The following CSMD1 variants were observed in gnomAD, a reference collection of about 807,000 sequenced individuals.
CSMD1 encodes the protein CUB and sushi domain-containing protein 1.
A neutral mutation model predicts 417.5 loss-of-function variants in CSMD1; 213 were observed. The observed-to-expected ratio is 0.51, with a 90% CI of 0.46 to 0.57. CSMD1 has a LOEUF of 0.57. Among genes scored for constraint, CSMD1 ranks in the 20% least tolerant of loss-of-function variants. The probability of loss-of-function intolerance (pLI) is 0.00; values close to 1 mark genes in which losing one functional copy is unlikely to be tolerated. For missense variants in CSMD1, 6,923 were observed against 4,529.7 expected, an observed-to-expected ratio of 1.53 and a Z score of -15.17; for synonymous variants, 2,862 against 1,736.8, an observed-to-expected ratio of 1.65 and a Z score of -16.11.
At chr8:4,162,755 C>G (rs1034874862) in intron 3 of CSMD1, among the ~76,000 whole-genome samples, 2 of 152,136 alleles carry the variant, frequency 1.3e-5, no homozygotes, top group Non-Finnish European at 2.9e-5. Context: ...AAGTCATTAT[C>G]ATCCAAACCC....
chr8:4,854,460 G>A (rs62484648), intron 1 of CSMD1, among the ~76,000 whole-genome samples: 17 of 152,262 alleles, frequency 1.1e-4, no homozygotes, highest in African/African-American at 3.4e-4. Context: ...CACTGTGAGC[G>A]ACGCAGAAGA....
At chr8:3,414,126 G>C (rs1318876583) in intron 12 of CSMD1, among the ~76,000 whole-genome samples, 1 of 137,558 alleles carries the variant, frequency 7.3e-6, no homozygotes, top group East Asian at 2.3e-4. Flanking sequence ...GTGACAGAGC[G>C]AGACTCCGTT....
At position 3,211,640 on chromosome 8, in the gene CSMD1, T is replaced by A. The variant is rs1450906895; in HGVS notation, c.4867+2857A>T. ...TAGAGACTGTCATCGCTCTCAGCCC[T>A]GCGAGTCTTGTCTGGAGTGACACAG... is the stretch of plus-strand genomic sequence containing the variant. On this transcript the variant is annotated intron_variant, in intron 30 of 69. Transcript: ENST00000635120. Among the ~76,000 whole-genome samples the A allele has an allele frequency of 2.0e-5, 3 of 152,190 alleles. No individual in the cohort carries two copies. The East Asian group carries it at 5.8e-4, about 29-fold the overall frequency.
chr8:4,288,729 C>T (rs868688672), intron 3 of CSMD1, among the ~76,000 whole-genome samples: 16 of 152,240 alleles, frequency 1.1e-4, no homozygotes, highest in African/African-American at 2.6e-4. Flanking sequence ...ATCTATGATT[C>T]CAAGATCTCT....
At chr8:3,694,488 G>A (rs929562215) in intron 7 of CSMD1, among the ~76,000 whole-genome samples, 2 of 152,206 alleles carry the variant, frequency 1.3e-5, no homozygotes, top group South Asian at 2.1e-4. Context: ...AACACCATCT[G>A]GGAAAGCATG....
At chr8:4,763,565 G>C (rs1055758334) in intron 1 of CSMD1, among the ~76,000 whole-genome samples, 1 of 152,206 alleles carries the variant, frequency 6.6e-6, no homozygotes, top group African/African-American at 2.4e-5. Context: ...CAGATCTATT[G>C]TCTTACTTGC....
intron 3 of CSMD1, among the ~76,000 whole-genome samples, chr8:4,116,828 TA>T (rs68050758): frequency 0.38 from 57,303 of 150,584 alleles, 11,030 homozygotes; most frequent in East Asian, 0.41. Context: ...TAGGGTCTAT[TA>T]AAAAAAAACA....
At chr8:3,903,193 C>A (rs1024002900) in intron 5 of CSMD1, among the ~76,000 whole-genome samples, 1 of 152,044 alleles carries the variant, frequency 6.6e-6, no homozygotes, top group African/African-American at 2.4e-5. Context: ...GTTCTTCTTA[C>A]CCTTCAGTGT....
chr8:3,558,259 T>G (rs990596623), intron 10 of CSMD1, among the ~76,000 whole-genome samples: 1 of 150,306 alleles, frequency 6.7e-6, no homozygotes, highest in Non-Finnish European at 1.5e-5. Context: ...TAGTACCCTG[T>G]GTCCACTCCT....
At chr8:4,676,613 C>A (rs1805696836) in intron 1 of CSMD1, among the ~76,000 whole-genome samples, 1 of 152,158 alleles carries the variant, frequency 6.6e-6, no homozygotes, top group South Asian at 2.1e-4. Flanking sequence ...TATCTCCATT[C>A]TCCTTTCGCA....
chr8:4,222,123 G>C (rs1184810747), intron 3 of CSMD1, among the ~76,000 whole-genome samples: 1 of 151,418 alleles, frequency 6.6e-6, no homozygotes, highest in African/African-American at 2.4e-5. Flanking sequence ...AAAAACAGAA[G>C]CAAGTAGAAG....
At chr8:4,554,141 T>A (rs186818801) in intron 2 of CSMD1, among the ~76,000 whole-genome samples, 1 of 152,138 alleles carries the variant, frequency 6.6e-6, no homozygotes, top group Non-Finnish European at 1.5e-5. Flanking sequence ...CAATCGCGAT[T>A]TATTTATTTT....
At chr8:3,832,294 A>G (rs1213087629) in intron 5 of CSMD1, among the ~76,000 whole-genome samples, 1 of 152,154 alleles carries the variant, frequency 6.6e-6, no homozygotes, top group Non-Finnish European at 1.5e-5. Flanking sequence ...GATTATTTTA[A>G]TCTTTACCGT....
chr8:4,348,121 G>A (rs1442446695), intron 3 of CSMD1, among the ~76,000 whole-genome samples: 1 of 152,186 alleles, frequency 6.6e-6, no homozygotes, highest in South Asian at 2.1e-4. Context: ...CTACCAGTTA[G>A]AAGTATTAAA....
chr8:3,613,778 A>T (rs986588882), intron 8 of CSMD1, among the ~76,000 whole-genome samples: 3 of 151,754 alleles, frequency 2.0e-5, no homozygotes, highest in African/African-American at 4.8e-5. Context: ...CCTCAAACTG[A>T]TAAAGGGCAT....
intron 3 of CSMD1, among the ~76,000 whole-genome samples, chr8:4,237,176 T>C (rs762075323): frequency 6.6e-6 from 1 of 152,180 alleles, no homozygotes; most frequent in Admixed American, 6.5e-5. Context: ...CAAGCTCCCT[T>C]CGCCTTTCCA....
At chr8:4,569,320 A>G (rs1448067808) in intron 2 of CSMD1, among the ~76,000 whole-genome samples, 2 of 152,198 alleles carry the variant, frequency 1.3e-5, no homozygotes, top group Admixed American at 6.5e-5. Flanking sequence ...TAATTTTTGT[A>G]TAAGGTGTAA....
At chr8:4,478,415 A>AAAG (rs1800915897) in intron 2 of CSMD1, among the ~76,000 whole-genome samples, 1 of 152,194 alleles carries the variant, frequency 6.6e-6, no homozygotes, top group Non-Finnish European at 1.5e-5. Context: ...TTGTAAAGTT[A>AAAG]TATATCTTGT....
chr8:4,202,933 G>C (rs1434593896), intron 3 of CSMD1, among the ~76,000 whole-genome samples: 2 of 152,148 alleles, frequency 1.3e-5, no homozygotes, highest in East Asian at 3.9e-4. Flanking sequence ...AGAGATGTTG[G>C]CCTTATCTCT....
Sources: gnomAD v4.1 joint callset for allele counts (sites outside exome capture counted in the v4.1 genomes callset) on GRCh38, gnomAD v4.1.1 for gene constraint, MANE v1.5 for transcripts, NCBI Gene and HGNC (gene_info 2026-07-23, HGNC 2026-07-21) for gene names.